The following ACSL3 variants were observed in gnomAD, a reference collection of about 807,000 sequenced individuals.
The protein encoded by ACSL3 is acyl-CoA synthetase long chain family member 3.
In ACSL3, 34 loss-of-function variants were observed where a neutral mutation model predicts 84.7. The ratio of observed to expected loss-of-function variants is 0.40; its 90% confidence interval spans 0.31 to 0.53. The LOEUF is 0.53. Among genes scored for constraint, ACSL3 ranks in the 20% least tolerant of loss-of-function variants. The pLI is 0.48. For missense variants in ACSL3, 680 were observed against 873.1 expected (o/e 0.78, Z 2.79); for synonymous variants, 315 against 299.4 (o/e 1.05, Z -0.54).
chr2:222,889,287 G>A (rs1196244908), intron 2 of ACSL3, among the ~76,000 whole-genome samples: 1 of 152,094 alleles, frequency 6.6e-6, no homozygotes, highest in African/African-American at 2.4e-5. Flanking sequence ...AACTGATGTG[G>A]GAGGGTGGTG....
intron 1 of ACSL3, among the ~76,000 whole-genome samples, chr2:222,880,236 A>C (rs1468455083): frequency 6.6e-6 from 1 of 152,162 alleles, no homozygotes; most frequent in Non-Finnish European, 1.5e-5. Flanking sequence ...TTAATATATC[A>C]CATAAGCATA....
chr2:222,864,198 C>T (rs544514657), intron 1 of ACSL3, among the ~76,000 whole-genome samples: 2 of 152,230 alleles, frequency 1.3e-5, no homozygotes, highest in Admixed American at 6.5e-5. Flanking sequence ...TGGTAGAGAA[C>T]TAGGTTCTGG....
intron 4 of ACSL3, among the ~76,000 whole-genome samples, chr2:222,914,288 C>T (rs1559294311): frequency 2.1e-5 from 3 of 144,914 alleles, no homozygotes; most frequent in Admixed American, 2.0e-4. Flanking sequence ...TATTTTGAGA[C>T]AGGGTCTCAC....
At position 222,921,324 on chromosome 2, in the gene ACSL3, A is replaced by G. The variant is rs1696728302; in HGVS notation, c.850A>G (p.Ile284Val). 31 of 1,602,200 alleles carry G rather than the reference A, an allele frequency of 1.9e-5. No homozygotes were observed. The highest frequency in any genetic ancestry group is 2.6e-5 in the Non-Finnish European group (30 of 1,170,038). Residue 284 changes from isoleucine to valine, a missense_variant, in exon 8 of 17, where the codon ATC (isoleucine) becomes GTC (valine). Transcript: ENST00000357430. Reference protein sequence around the residue: ...SKPLPSDIAVIMYTSGSTGLP... With the variant: ...SKPLPSDIAVVMYTSGSTGLP... ...ACCATTGCCCTCAGATATTGCAGTA[A>G]TCATGTACACAAGTGGATCCACAGG...
chr2:222,902,664 G>C (rs1044402114), intron 3 of ACSL3, among the ~76,000 whole-genome samples: 5 of 152,146 alleles, frequency 3.3e-5, no homozygotes, highest in African/African-American at 1.2e-4. Context: ...TGAGGAGGGC[G>C]GAATTTATTA....
intron 1 of ACSL3, among the ~76,000 whole-genome samples, chr2:222,884,538 C>T (rs1695674193): frequency 6.6e-6 from 1 of 152,198 alleles, no homozygotes; most frequent in African/African-American, 2.4e-5. Flanking sequence ...CTGGCATTCC[C>T]TATTATCAGT....
In ACSL3 at chr2:222,922,918, G is replaced by A. The variant is rs866487232; in HGVS notation, c.1080+87G>A. ...TTCAGTCAGTATGACAGTATATTGC[G>A]AGAGCGATGGTTCATTTTAAAATGA... On this transcript the variant is annotated intron_variant, in intron 9 of 16. Transcript: ENST00000357430. 5.2e-6 allele frequency: 8 copies of A among 1,535,188 alleles called. No homozygotes were observed. The East Asian group carries it at 6.9e-5, about 13-fold the overall frequency.
At chr2:222,869,879 C>T (rs1022912191) in intron 1 of ACSL3, among the ~76,000 whole-genome samples, 5 of 152,098 alleles carry the variant, frequency 3.3e-5, no homozygotes, top group African/African-American at 4.8e-5. Flanking sequence ...TAAGACCTAG[C>T]GTAACCTCTT....
intron 1 of ACSL3, among the ~76,000 whole-genome samples, chr2:222,883,609 G>A (rs1190704195): frequency 1.3e-5 from 2 of 152,116 alleles, no homozygotes; most frequent in African/African-American, 4.8e-5. Context: ...TCAAACTGAA[G>A]ACTAGTATTT....
chr2:222,912,453 C>G (rs959650783), intron 4 of ACSL3, among the ~76,000 whole-genome samples: 14 of 152,178 alleles, frequency 9.2e-5, no homozygotes, highest in Non-Finnish European at 1.5e-5. Context: ...GCTAGCTGAT[C>G]AAGCTCAGTG....
intron 1 of ACSL3, among the ~76,000 whole-genome samples, chr2:222,865,574 G>C (rs1695115782): frequency 6.6e-6 from 1 of 152,168 alleles, no homozygotes; most frequent in African/African-American, 2.4e-5. Flanking sequence ...AACAGAAGAA[G>C]GTATATGAGC....
chr2:222,927,822 C>A (rs187821271), intron 12 of ACSL3, among the ~76,000 whole-genome samples: 3 of 152,308 alleles, frequency 2.0e-5, no homozygotes. Flanking sequence ...CGGATAGATA[C>A]AAAACCTCAT....
intron 1 of ACSL3, among the ~76,000 whole-genome samples, chr2:222,871,264 G>A (rs988114666): frequency 1.3e-5 from 2 of 152,152 alleles, no homozygotes; most frequent in South Asian, 4.1e-4. Context: ...CAGAGTGACA[G>A]TAGAAGATGT....
chr2:222,871,788 G>A (rs796334986), intron 1 of ACSL3, among the ~76,000 whole-genome samples: 6 of 152,108 alleles, frequency 3.9e-5, no homozygotes, highest in African/African-American at 1.4e-4. Flanking sequence ...GTGGGTGAGG[G>A]GTTGTGGGGT....
chr2:222,908,937 T>A lies in ACSL3; in HGVS notation c.165T>A (p.Ile55=). Residue 55 remains isoleucine, a synonymous_variant, in exon 4 of 17, where the codon ATT becomes ATA. Transcript: ENST00000357430. ...SESRQEKSNR[I]KAKPVNSKPD... is the part of the protein sequence containing the mutation. ...CAAGACAAGAAAAATCAAACCGAAT[T>A]AAAGCAAAGCCTGTAAATTCAAAAC... The A allele has an allele frequency of 6.2e-7, 1 of 1,613,240 alleles. No individual in the cohort carries two copies. The highest frequency in any genetic ancestry group is 8.5e-7 in the Non-Finnish European group (1 of 1,179,722).
intron 8 of ACSL3, among the ~76,000 whole-genome samples, 157 bp from the exon 9 acceptor site, chr2:222,922,551 C>CCTAT (rs1200993824): frequency 4.7e-5 from 2 of 42,196 alleles, no homozygotes; most frequent in Admixed American, 3.0e-4. Context: ...TCTGTTTTCA[C>CCTAT]CTGTCTCTCT....
chr2:222,915,176 C>G (rs974269408), intron 4 of ACSL3, among the ~76,000 whole-genome samples: 63 of 152,318 alleles, frequency 4.1e-4, no homozygotes, highest in African/African-American at 1.5e-3. Flanking sequence ...CTAACCCTCA[C>G]AGAGCTCCTT....
intron 1 of ACSL3, among the ~76,000 whole-genome samples, chr2:222,876,087 A>G (rs1008623000): frequency 1.2e-4 from 19 of 152,224 alleles, no homozygotes; most frequent in Non-Finnish European, 2.2e-4. Context: ...CTGCAAGTAG[A>G]TATTAGAAGA....
At chr2:222,918,251 G>A (rs940984006) in intron 6 of ACSL3, 96 bp downstream of exon 6, 3 of 667,162 alleles carry the variant, frequency 4.5e-6, no homozygotes, top group Non-Finnish European at 7.3e-6. Flanking sequence ...TGACTTTTAA[G>A]TCCTTAATCT....
Sources: allele counts gnomAD v4.1 joint callset (sites outside exome capture counted in the v4.1 genomes callset), GRCh38; gene constraint gnomAD v4.1.1; transcripts MANE v1.5; gene names NCBI Gene and HGNC (gene_info 2026-07-23, HGNC 2026-07-21).